Variants in VAV2 observed in about 807,000 individuals in gnomAD.
VAV2 encodes the protein guanine nucleotide exchange factor VAV2.
Under a neutral mutation model 132.5 loss-of-function variants are expected in VAV2, and 67 were observed. The ratio of observed to expected loss-of-function variants is 0.51; its 90% CI spans 0.42 to 0.62. The LOEUF is 0.62. Ranked by LOEUF, VAV2 falls within the 20% of genes least tolerant of loss-of-function variation. The pLI is 0.00. For synonymous variants in VAV2, 492 were observed against 443.5 expected (o/e 1.11, Z -1.37); for missense variants, 938 against 1,153.6 (o/e 0.81, Z 2.71).
chr9:133,902,363 T>C (rs1411812069), intron 2 of VAV2, among the ~76,000 whole-genome samples: 3 of 152,162 alleles, frequency 2.0e-5, no homozygotes, highest in African/African-American at 7.2e-5. Context: ...ACCTCCTCCA[T>C]GCAGACACGG....
rs182592494 is a variant in VAV2 at position 133,833,167 on chromosome 9, G to A, written c.449+1105C>T. ...AAGTGCATGAGACTGGGCCGCCAGC[G>A]TGGTGCCACATGCTGATATGGGGAT... On this transcript the variant is annotated intron_variant, in intron 4 of 29. Transcript: ENST00000371850. The surrounding 1 kb of genome is among the most constrained non-coding windows in gnomAD (Gnocchi z 5.6). Among the ~76,000 whole-genome samples the A allele has an allele frequency of 3.1e-4, 47 of 152,300 alleles. No homozygotes were observed. The highest frequency in any genetic ancestry group is 1.0e-3 in the African/African-American group (42 of 41,562).
chr9:133,970,431 GGACCTCACCA>G (rs991325711), intron 1 of VAV2, among the ~76,000 whole-genome samples: 1 of 152,220 alleles, frequency 6.6e-6, no homozygotes, highest in African/African-American at 2.4e-5. Flanking sequence ...GAGGCTCACG[GGACCTCACCA>G]GACCTCACCT....
chr9:133,775,967 G>A (rs1239463925), intron 24 of VAV2, 61 bp downstream of exon 24: 25 of 1,548,598 alleles, frequency 1.6e-5, no homozygotes, highest in Non-Finnish European at 2.2e-5. Flanking sequence ...GACCCGGCGG[G>A]CATGCCCCCA....
chr9:133,791,898 G>C, intron 12 of VAV2, 29 bp from the exon 13 acceptor site: 1 of 1,593,666 alleles, frequency 6.3e-7, no homozygotes, highest in Admixed American at 1.7e-5. Flanking sequence ...AGGTGAGCGG[G>C]CTGTGCTGGG....
At chr9:133,858,201 T>C (rs1837457953) in intron 3 of VAV2, among the ~76,000 whole-genome samples, 2 of 152,184 alleles carry the variant, frequency 1.3e-5, no homozygotes. Flanking sequence ...CCACGCAGCG[T>C]ATGCTCACAA....
chr9:133,774,925 C>T lies in VAV2; in HGVS notation c.2135+10G>A, dbSNP rs201498528. 64 of 1,608,010 alleles carry T rather than the reference C, an allele frequency of 4.0e-5. No individual in the cohort carries two copies. The highest frequency in any genetic ancestry group is 4.8e-5 in the Non-Finnish European group (56 of 1,176,400). ...GGATGGGTCTCCTCGAGCCCAGAGCCGCCACTTACTTGATGCTTATTGCAA... is the reference window on the plus strand; with the variant it reads ...GGATGGGTCTCCTCGAGCCCAGAGCTGCCACTTACTTGATGCTTATTGCAA... On this transcript the variant is annotated intron_variant, in intron 25 of 29. Transcript: ENST00000371850.
At chr9:133,837,998 G>A (rs1461546676) in intron 3 of VAV2, among the ~76,000 whole-genome samples, 1 of 152,152 alleles carries the variant, frequency 6.6e-6, no homozygotes, top group Non-Finnish European at 1.5e-5. Context: ...CAAAAGCTCT[G>A]CCAGAAGGGG....
At chr9:133,793,273 C>T (rs1032851306) in intron 12 of VAV2, among the ~76,000 whole-genome samples, 5 of 152,002 alleles carry the variant, frequency 3.3e-5, no homozygotes, top group African/African-American at 7.2e-5. Context: ...GGCCCTGCCC[C>T]CCGAGAGCAG....
In VAV2 at chr9:133,884,915, C is replaced by T. The variant is rs548152135; in HGVS notation, c.322-23483G>A. 6.6e-6 allele frequency among the ~76,000 whole-genome samples: 1 copy of T among 152,262 alleles called. No homozygotes were observed. The highest frequency in any genetic ancestry group is 2.1e-4 in the South Asian group (1 of 4,824). On this transcript the variant is annotated intron_variant, in intron 2 of 29. Transcript: ENST00000371850. The surrounding 1 kb of genome is among the most constrained non-coding windows in gnomAD (Gnocchi z 5.3). ...CGCAGCGCTGTCCACAACTCACACC[C>T]TCAGCCCCACTTCCAGCCTGATGAA...
chr9:133,849,358 G>A (rs763901821), intron 3 of VAV2, among the ~76,000 whole-genome samples: 2 of 152,138 alleles, frequency 1.3e-5, no homozygotes, highest in Non-Finnish European at 2.9e-5. Flanking sequence ...GGGAGTTCTC[G>A]TGGATGCCAG....
In VAV2 at chr9:133,846,098, A is replaced by G. The variant is rs1323908714; in HGVS notation, c.381-11758T>C. Among the ~76,000 whole-genome samples the G allele has an allele frequency of 2.5e-4, 38 of 152,226 alleles. 1 individual carries two copies. On this transcript the variant is annotated intron_variant, in intron 3 of 29. Transcript: ENST00000371850. ...CGGAAGCTGTGCTGAAGCTCCCGATAGCCCCACAAGATGGGGTTCCGTCTC... is the reference window on the plus strand; with the variant it reads ...CGGAAGCTGTGCTGAAGCTCCCGATGGCCCCACAAGATGGGGTTCCGTCTC...
chr9:133,956,476 T>C (rs528276141), intron 1 of VAV2, among the ~76,000 whole-genome samples: 2 of 152,220 alleles, frequency 1.3e-5, no homozygotes, highest in Non-Finnish European at 2.9e-5. Flanking sequence ...TTGTTTCGTT[T>C]TGTTTTTTTT....
At position 133,788,597 on chromosome 9, in the gene VAV2, G is replaced by C; in HGVS notation, c.1275-111C>G. On this transcript the variant is annotated intron_variant, in intron 14 of 29. Coordinates refer to ENST00000371850, the MANE Select transcript of VAV2 (RefSeq NM_001134398.2). This position sits in a 1 kb window ranked among gnomAD's most constrained non-coding sequence, Gnocchi z 5.3. ...CTGGCACGCGGCTCCCTCTCCGGGC[G>C]AGCCCTGCCCTCACCTGGCTCACCA... The C allele has an allele frequency of 6.8e-7, 1 of 1,467,770 alleles. No homozygotes were observed. Among genetic ancestry groups the C allele is most frequent in the Non-Finnish European group, 9.2e-7 (1 of 1,088,088 alleles). The allele number at this position is 1,467,770 out of a possible 1,614,324, so 90.9% of individuals were successfully genotyped here. A position where few individuals can be genotyped will look rare whatever the true frequency, so the allele number is the denominator to read the frequency against.
intron 2 of VAV2, among the ~76,000 whole-genome samples, chr9:133,901,958 A>G (rs1163397654): frequency 6.6e-6 from 1 of 151,978 alleles, no homozygotes; most frequent in Admixed American, 6.5e-5. Context: ...ACCTCCTCCT[A>G]CCACACATCT....
chr9:133,910,083 A>C (rs1346228738), intron 2 of VAV2, among the ~76,000 whole-genome samples: 1 of 152,238 alleles, frequency 6.6e-6, no homozygotes, highest in Non-Finnish European at 1.5e-5. Context: ...GCTTCTGAAA[A>C]GTCGGCTTCA....
chr9:133,781,431 G>T (rs987631044), intron 19 of VAV2, among the ~76,000 whole-genome samples: 19 of 152,196 alleles, frequency 1.2e-4, no homozygotes, highest in African/African-American at 4.6e-4. Flanking sequence ...GCTCTGGGCA[G>T]ACAGAGGTAT....
chr9:133,894,517 C>T (rs1022206642), intron 2 of VAV2, among the ~76,000 whole-genome samples: 3 of 152,198 alleles, frequency 2.0e-5, no homozygotes, highest in East Asian at 1.9e-4. Context: ...CAGAGCTCCC[C>T]GGGTGACCCT....
In VAV2 at chr9:133,804,574, C is replaced by T. The variant is rs61572886; in HGVS notation, c.836+1507G>A. Among the ~76,000 whole-genome samples the T allele has an allele frequency of 3.9e-4, 60 of 152,344 alleles. No homozygotes were observed. The highest frequency in any genetic ancestry group is 1.3e-3 in the African/African-American group (55 of 41,572). The stretch of plus-strand genomic sequence containing the variant: ...TCTACCACACAGCCAGCCATTCCTC[C>T]TCCAGGGCTTCAGCCTTTGACGGAC... On this transcript the variant is annotated intron_variant, in intron 9 of 29. Transcript: ENST00000371850. This position sits in a 1 kb window ranked among gnomAD's most constrained non-coding sequence, Gnocchi z 4.5.
rs147591321 is a variant in VAV2, at chr9:133,948,973, C to T, written c.205-9754G>A. ...AGAGGCAGCCTAATCTGCGGACAAC[C>T]TGGGAGGAGGGAGGGTCCCGGCTGG... On this transcript the variant is annotated intron_variant, in intron 1 of 29. Transcript: ENST00000371850. 9.7e-4 allele frequency among the ~76,000 whole-genome samples: 148 copies of T among 152,328 alleles called. 1 individual carries two copies. Among genetic ancestry groups the T allele is most frequent in the Non-Finnish European group, 7.2e-4 (49 of 68,024 alleles).
Sources: allele counts gnomAD v4.1 joint callset (sites outside exome capture counted in the v4.1 genomes callset), GRCh38; gene constraint gnomAD v4.1.1; non-coding constraint Gnocchi (gnomAD v3.1); transcripts MANE v1.5; gene names NCBI Gene and HGNC (gene_info 2026-07-23, HGNC 2026-07-21).